Variants in TACC3 observed in about 807,000 individuals in gnomAD.
The protein encoded by TACC3 is transforming acidic coiled-coil containing protein 3.
Under a neutral mutation model 86.0 loss-of-function variants are expected in TACC3, and 52 were observed. That is an observed-to-expected ratio of 0.60 (90% CI 0.48 to 0.76). The LOEUF (loss-of-function observed/expected upper bound fraction) is 0.76. Among genes scored for constraint, TACC3 ranks in the 30% least tolerant of loss-of-function variants. The probability of loss-of-function intolerance (pLI) is 0.00; values close to 1 mark genes in which losing one functional copy is unlikely to be tolerated. For missense variants in TACC3, 1,120 were observed against 1,070.4 expected, an observed-to-expected ratio of 1.05 and a Z score of -0.65; for synonymous variants, 512 against 430.0, an observed-to-expected ratio of 1.19 and a Z score of -2.36.
chr4:1,733,774 T>C (rs1339125195), intron 6 of TACC3, among the ~76,000 whole-genome samples: 3 of 152,132 alleles, frequency 2.0e-5, no homozygotes, highest in African/African-American at 7.2e-5. Context: ...GATCAAGAGT[T>C]TGAGATCAGC....
intron 11 of TACC3, 56 bp from the exon 12 acceptor site, chr4:1,739,903 G>A: frequency 6.2e-7 from 1 of 1,609,450 alleles, no homozygotes; most frequent in Non-Finnish European, 8.5e-7. Flanking sequence ...TCCCCACCTG[G>A]CCTGGGACCG....
rs1448857461 is a variant in TACC3, at chr4:1,737,344, C to T, written c.1836+16C>T. On this transcript the variant is annotated intron_variant, in intron 9 of 15. Transcript: ENST00000313288. ...GGACATTCCTGTAAGTCCTTGAGTC[C>T]CTCTTGAACTGTCTTGTGTGTGGTC... The T allele has an allele frequency of 1.9e-6, 3 of 1,609,126 alleles. No individual in the cohort carries two copies. Among genetic ancestry groups the T allele is most frequent in the Non-Finnish European group, 2.6e-6 (3 of 1,175,534 alleles).
intron 6 of TACC3, among the ~76,000 whole-genome samples, chr4:1,731,894 A>G (rs944672246): frequency 6.6e-6 from 1 of 152,242 alleles, no homozygotes; most frequent in African/African-American, 2.4e-5. Context: ...TCGGCCTCCC[A>G]AAGTGCTGGG....
chr4:1,735,203 G>A lies in TACC3; in HGVS notation c.1592-70G>A. 6.3e-7 allele frequency: 1 copy of A among 1,591,938 alleles called. No homozygotes were observed. The highest frequency in any genetic ancestry group is 8.6e-7 in the Non-Finnish European group (1 of 1,161,234). ...GATCCTGCCTCACTGAGTGCTGAGG[G>A]AGACACCAGCCCGCCGCCCTTAGGG... On this transcript the variant is annotated intron_variant, in intron 6 of 15. Transcript: ENST00000313288. The surrounding 1 kb of genome is among the most constrained non-coding windows in gnomAD (Gnocchi z 4.2).
chr4:1,737,807 C>G (rs2108709861), intron 10 of TACC3, 105 bp downstream of exon 10: 1 of 1,029,584 alleles, frequency 9.7e-7, no homozygotes, highest in Non-Finnish European at 1.5e-6. Context: ...CCCTGCCATC[C>G]CTGCCCCTGC....
At chr4:1,739,645 G>A in intron 10 of TACC3, 57 bp from the exon 11 acceptor site, 3 of 1,512,722 alleles carry the variant, frequency 2.0e-6, no homozygotes, top group Non-Finnish European at 2.7e-6. Context: ...CTGTGGGGAG[G>A]TCCTGGGAGG....
chr4:1,742,519 G>A (rs1386876417), intron 13 of TACC3, among the ~76,000 whole-genome samples: 2 of 152,236 alleles, frequency 1.3e-5, no homozygotes, highest in East Asian at 1.9e-4. Flanking sequence ...GAAGAGTATT[G>A]CTTCAATAGA....
At chr4:1,743,079 T>C (rs1178765670) in intron 13 of TACC3, among the ~76,000 whole-genome samples, 1 of 151,014 alleles carries the variant, frequency 6.6e-6, no homozygotes, top group African/African-American at 2.4e-5. Flanking sequence ...CTGGCCAACA[T>C]GGTGAAACCC....
intron 8 of TACC3, among the ~76,000 whole-genome samples, chr4:1,736,044 AG>A (rs1275607803): frequency 6.6e-6 from 1 of 152,252 alleles, no homozygotes; most frequent in Admixed American, 6.5e-5. Context: ...CTCCAGCCAC[AG>A]GGCTGCTGCC....
Position 1,728,035 on chromosome 4 carries a change from G to GCACAAAGCGGAGACT in TACC3, c.635_649dup (p.His212_Thr216dup). 1 of 1,612,930 alleles carries GCACAAAGCGGAGACT rather than the reference G, an allele frequency of 6.2e-7. No homozygotes were observed. On this transcript the variant is annotated inframe_insertion, in exon 4 of 16. Transcript: ENST00000313288. ...AAGACCCTTGCAGGACAGAGTCCCA[G>GCACAAAGCGGAGACT]CACAAAGCGGAGACTCCGCACGGAG...
intron 10 of TACC3, 98 bp downstream of exon 10, chr4:1,737,800 TGCCA>T (rs1213145849): frequency 1.3e-5 from 6 of 457,524 alleles, no homozygotes; most frequent in African/African-American, 1.3e-4. Context: ...CCGCCATCCC[TGCCA>T]TCCCTGCCCC....
In TACC3 at chr4:1,728,227, C is replaced by T. The variant is rs772425120; in HGVS notation, c.825C>T (p.Cys275=). 6 of 1,612,082 alleles carry T rather than the reference C, an allele frequency of 3.7e-6. No homozygotes were observed. In the Admixed American group the frequency reaches 6.7e-5, roughly 18 times the overall value. The change falls in exon 4 of 16, where the codon TGC becomes TGT. Residue 275 remains cysteine, a synonymous_variant. Coordinates refer to ENST00000313288, the MANE Select transcript of TACC3 (RefSeq NM_006342.3). The part of the protein sequence containing the change: ...LQGLPGEALG[C]PAGVGTPVPA... Reference sequence around the variant, plus strand: ...GTCTGCCTGGCGAAGCCCTGGGCTGCCCTGCGGGTGTGGGCACCCCCGTGC... The same window carrying T: ...GTCTGCCTGGCGAAGCCCTGGGCTGTCCTGCGGGTGTGGGCACCCCCGTGC...
Position 1,745,082 on chromosome 4 carries a change from C to T in TACC3, c.*69C>T. On this transcript the variant is annotated 3_prime_UTR_variant, in exon 16 of 16. Transcript: ENST00000313288. ...TGTCCTGTCTGATTCTCTTAGGTGTCATGTTCTTTTTTCTGTCTTGTCTTC... is the reference window on the plus strand; with the variant it reads ...TGTCCTGTCTGATTCTCTTAGGTGTTATGTTCTTTTTTCTGTCTTGTCTTC... The T allele has an allele frequency of 1.1e-5, 17 of 1,478,978 alleles. No homozygotes were observed. Among genetic ancestry groups the T allele is most frequent in the Non-Finnish European group, 1.6e-5 (17 of 1,092,672 alleles). The allele number at this position is 1,478,978 out of a possible 1,614,324, so 91.6% of individuals were successfully genotyped here.
At chr4:1,723,316 C>A in intron 1 of TACC3, 105 bp from the exon 2 acceptor site, 1 of 1,189,264 alleles carries the variant, frequency 8.4e-7, no homozygotes, top group Non-Finnish European at 1.2e-6. Flanking sequence ...ATGAGCACAC[C>A]TGTGTGGGAA....
intron 9 of TACC3, 105 bp downstream of exon 9, chr4:1,737,433 T>C (rs1314892989): frequency 1.3e-5 from 16 of 1,259,764 alleles, no homozygotes; most frequent in Non-Finnish European, 1.8e-5. Flanking sequence ...CCTTTGGTTT[T>C]GTTGGGGGCA....
At position 1,735,249 on chromosome 4, in the gene TACC3, G is replaced by A. The variant is rs200620644; in HGVS notation, c.1592-24G>A. On this transcript the variant is annotated intron_variant, in intron 6 of 15. Coordinates refer to ENST00000313288, the MANE Select transcript of TACC3 (RefSeq NM_006342.3). The surrounding 1 kb of genome is among the most constrained non-coding windows in gnomAD (Gnocchi z 4.2). ...TAGGGCCCTGGTGAGGGGCGATGGC[G>A]GCGGCATGATTCACTCCTCTCAGTT... is the stretch of plus-strand genomic sequence containing the variant. The A allele has an allele frequency of 4.2e-5, 67 of 1,613,636 alleles. No homozygotes were observed. In the Admixed American group the frequency reaches 4.5e-4, roughly 11 times the overall value.
At chr4:1,730,846 GGGGT>G (rs146419121) in intron 4 of TACC3, 37 bp from the exon 5 acceptor site, 305,576 of 1,602,664 alleles carry the variant, frequency 0.19, 30,649 homozygotes, top group Admixed American at 0.29. Flanking sequence ...CCGGGGTTAT[GGGGT>G]GGGGGGCATG....
In TACC3 at chr4:1,728,744, C is replaced by G. The variant is rs1174240299; in HGVS notation, c.1342C>G (p.His448Asp). The change falls in exon 4 of 16, where the codon CAT (histidine) becomes GAT (aspartate). Residue 448 changes from histidine (H) to aspartate (D), a missense_variant. By Grantham distance (81) the His-to-Asp change is moderately conservative. Transcript: ENST00000313288. ...RLGQPAAEQL[H>D]AGPATEEPGP... is the part of the protein sequence containing the mutation. ...GGGCCAGCCAGCGGCTGAACAGTTG[C>G]ATGCTGGGCCTGCCACGGAGGAGCC... is the stretch of plus-strand genomic sequence containing the variant. 1 of 1,611,908 alleles carries G rather than the reference C, an allele frequency of 6.2e-7. No homozygotes were observed. Among genetic ancestry groups the G allele is most frequent in the South Asian group, 1.1e-5 (1 of 90,976 alleles).
intron 1 of TACC3, chr4:1,723,167 C>G (rs1353613566): frequency 1.9e-6 from 1 of 523,150 alleles, no homozygotes; most frequent in East Asian, 3.3e-5. Flanking sequence ...GGCCCTTTAG[C>G]TCTTGGTCCC....
Sources: gnomAD v4.1 joint callset for allele counts (sites outside exome capture counted in the v4.1 genomes callset) on GRCh38, gnomAD v4.1.1 for gene constraint, Gnocchi (gnomAD v3.1) non-coding constraint, MANE v1.5 for transcripts, NCBI Gene and HGNC (gene_info 2026-07-23, HGNC 2026-07-21) for gene names.